The following CLEC11A variants were observed in gnomAD, a reference collection of about 807,000 sequenced individuals.
CLEC11A encodes C-type lectin domain containing 11A.
A neutral mutation model predicts 33.9 loss-of-function variants in CLEC11A; 35 were observed. That is an observed-to-expected ratio of 1.03 (90% CI 0.79 to 1.37). The LOEUF (loss-of-function observed/expected upper bound fraction) is 1.37. Among genes scored for constraint, CLEC11A ranks in the 40% most tolerant of loss-of-function variants. The pLI is 0.00. For missense variants in CLEC11A, 519 were observed against 455.5 expected (o/e 1.14, Z -1.27); for synonymous variants, 220 against 202.2 (o/e 1.09, Z -0.75).
chr19:50,723,631 G>A lies in CLEC11A; in HGVS notation c.106G>A (p.Ala36Thr), dbSNP rs771126310. 1 of 1,605,108 alleles carries A rather than the reference G, an allele frequency of 6.2e-7. No individual in the cohort carries two copies. Among genetic ancestry groups the A allele is most frequent in the African/African-American group, 1.3e-5 (1 of 74,764 alleles). Reference sequence around the variant, plus strand: ...GGAGTGGGAGGGAGGCTGGGGAGGTGCCCAGGAGGAGGAGCGGGAGAGGGA... The same window carrying A: ...GGAGTGGGAGGGAGGCTGGGGAGGTACCCAGGAGGAGGAGCGGGAGAGGGA... Reference protein sequence around the residue: ...EREWEGGWGGAQEEEREREAL... With the variant: ...EREWEGGWGGTQEEEREREAL... Residue 36 changes from alanine (A) to threonine (T), a missense_variant, in exon 1 of 4, where the codon GCC becomes ACC. Physicochemically the swap from Ala to Thr is moderately conservative, Grantham distance 58 (BLOSUM62 0). Transcript: ENST00000250340. The surrounding 1 kb of genome is among the most constrained non-coding windows in gnomAD (Gnocchi z 4.1).
rs779346643 is a variant in CLEC11A, at chr19:50,724,133, C to T, written c.334+42C>T. ...CCTCACCCCCAAACTCCTAGGCCGC[C>T]GCGGTCACTTTCGCAAAAATGAAGG... On this transcript the variant is annotated intron_variant, in intron 2 of 3. Transcript: ENST00000250340. The surrounding 1 kb of genome is among the most constrained non-coding windows in gnomAD (Gnocchi z 4.1). 1.9e-6 allele frequency: 3 copies of T among 1,602,630 alleles called. No homozygotes were observed. In the Admixed American group the frequency reaches 5.4e-5, roughly 29 times the overall value.
At position 50,725,218 on chromosome 19, in the gene CLEC11A, C is replaced by A. The variant is rs1369444479; in HGVS notation, c.723C>A (p.Gly241=). The A allele has an allele frequency of 1.9e-6, 3 of 1,596,008 alleles. No individual in the cohort carries two copies. In the East Asian group the frequency reaches 6.9e-5, roughly 36 times the overall value. Residue 241 remains glycine (G), a synonymous_variant, in exon 4 of 4, where the codon GGC becomes GGA. Transcript: ENST00000250340. ...LAPYNWPVWL[G]VHDRRAEGLY... is the part of the protein sequence containing the mutation. ...CCTACAACTGGCCCGTGTGGCTGGG[C>A]GTGCACGATCGGCGCGCCGAGGGCC...
Position 50,725,140 on chromosome 19 carries a change from A to G in CLEC11A, c.645A>G (p.Ala215=), listed in dbSNP as rs779791365. ...TARGGSLAQP[A]DRQQMEALTR... is the part of the protein sequence containing the mutation. ...GGGGCGGGAGCCTGGCGCAGCCGGCAGACCGCCAGCAGATGGAGGCGCTCA... is the reference window on the plus strand; with the variant it reads ...GGGGCGGGAGCCTGGCGCAGCCGGCGGACCGCCAGCAGATGGAGGCGCTCA... Residue 215 remains alanine, a synonymous_variant, in exon 4 of 4, where the codon GCA becomes GCG. Coordinates refer to ENST00000250340, the MANE Select transcript of CLEC11A (RefSeq NM_002975.3). The G allele has an allele frequency of 2.6e-6, 4 of 1,552,374 alleles. No individual in the cohort carries two copies. The highest frequency in any genetic ancestry group is 1.9e-5 in the Admixed American group (1 of 51,518).
At position 50,724,073 on chromosome 19, in the gene CLEC11A, G is replaced by A; in HGVS notation, c.316G>A (p.Asp106Asn). 6.2e-7 allele frequency: 1 copy of A among 1,613,636 alleles called. No homozygotes were observed. The highest frequency in any genetic ancestry group is 1.1e-5 in the South Asian group (1 of 91,060). Residue 106 changes from aspartate (D) to asparagine (N), a missense_variant, in exon 2 of 4, where the codon GAC becomes AAC. Asp to Asn is a conservative substitution (Grantham distance 23). Coordinates refer to ENST00000250340, the MANE Select transcript of CLEC11A (RefSeq NM_002975.3). The surrounding 1 kb of genome is among the most constrained non-coding windows in gnomAD (Gnocchi z 4.1). ...CCCCAGCCCCTCTCCCACCCCTGAG[G>A]ACATCGTCACTTACATCCGTGAGTA... ...SGPSPSPTPE[D>N]IVTYILGRLA...
At position 50,725,043 on chromosome 19, in the gene CLEC11A, T is replaced by G; in HGVS notation, c.548T>G (p.Leu183Arg). Residue 183 changes from leucine (L) to arginine (R), a missense_variant, in exon 4 of 4, where the codon CTG becomes CGG. Physicochemically the swap from Leu to Arg is moderately radical, Grantham distance 102. Transcript: ENST00000250340. ...ACAGGCTGCCTGAAGGGGCTGCGCCTGGGCCACAAGTGCTTCCTGCTCTCG... is the reference window on the plus strand; with the variant it reads ...ACAGGCTGCCTGAAGGGGCTGCGCCGGGGCCACAAGTGCTTCCTGCTCTCG... The part of the protein sequence containing the change: ...RLEGCLKGLR[L>R]GHKCFLLSRD... 6.7e-7 allele frequency: 1 copy of G among 1,503,080 alleles called. No individual in the cohort carries two copies. Among genetic ancestry groups the G allele is most frequent in the Non-Finnish European group, 8.9e-7 (1 of 1,129,208 alleles). The allele number at this position is 1,503,080 out of a possible 1,614,324, so 93.1% of individuals were successfully genotyped here.
chr19:50,725,591 A>C lies in CLEC11A; in HGVS notation c.*124A>C, dbSNP rs944080120. On this transcript the variant is annotated 3_prime_UTR_variant, in exon 4 of 4. Transcript: ENST00000250340. ...AATGGCAGCGTCCTCCCCGACCCCC[A>C]GTCTGGGCGCTTCTGGGAGGGCTCT... 3.2e-5 allele frequency: 46 copies of C among 1,435,830 alleles called. No individual in the cohort carries two copies. The highest frequency in any genetic ancestry group is 4.1e-5 in the Non-Finnish European group (45 of 1,090,376). 88.9% of individuals were successfully genotyped at this position (1,435,830 alleles called of 1,614,324 possible).
rs771427477 is a variant in CLEC11A, at chr19:50,723,958, C to T, written c.201C>T (p.Ala67=). The T allele has an allele frequency of 3.1e-6, 5 of 1,613,214 alleles. No homozygotes were observed. The highest frequency in any genetic ancestry group is 2.2e-5 in the East Asian group (1 of 44,832). ...CTGGGAGGGGGGATGAGAATCCTGCCGGAACTGTTGAGGGAAAAGAGGACT... is the reference window on the plus strand; with the variant it reads ...CTGGGAGGGGGGATGAGAATCCTGCTGGAACTGTTGAGGGAAAAGAGGACT... ...LPAGRGDENP[A]GTVEGKEDWE... Residue 67 remains alanine (A), a synonymous_variant, in exon 2 of 4, where the codon GCC becomes GCT. Coordinates refer to ENST00000250340, the MANE Select transcript of CLEC11A (RefSeq NM_002975.3). The surrounding 1 kb of genome is among the most constrained non-coding windows in gnomAD (Gnocchi z 4.1).
Position 50,724,839 on chromosome 19 carries a change from C to T in CLEC11A, c.527-183C>T. On this transcript the variant is annotated intron_variant, in intron 3 of 3. Transcript: ENST00000250340. The surrounding 1 kb of genome is among the most constrained non-coding windows in gnomAD (Gnocchi z 4.1). ...CTACAGTCCAGCTCCCACCGCCTGG[C>T]CCCGCCCCTGGCGGACCAGACTCTC... 7.2e-7 allele frequency: 1 copy of T among 1,383,374 alleles called. No homozygotes were observed. The highest frequency in any genetic ancestry group is 9.4e-7 in the Non-Finnish European group (1 of 1,068,984). 85.7% of individuals were successfully genotyped at this position (1,383,374 alleles called of 1,614,324 possible). A position where few individuals can be genotyped will look rare whatever the true frequency, so the allele number is the denominator to read the frequency against.
Position 50,725,492 on chromosome 19 carries a change from C to A in CLEC11A, c.*25C>A. On this transcript the variant is annotated 3_prime_UTR_variant, in exon 4 of 4. Coordinates refer to ENST00000250340, the MANE Select transcript of CLEC11A (RefSeq NM_002975.3). ...GCGGGGCCGGTACCCCGCCTCCCTG[C>A]CCATCCCACCACCCGGCCTTTCCCT... 6.5e-7 allele frequency: 1 copy of A among 1,545,116 alleles called. No homozygotes were observed. Among genetic ancestry groups the A allele is most frequent in the Non-Finnish European group, 8.8e-7 (1 of 1,142,804 alleles).
rs753355501 is a variant in CLEC11A, at chr19:50,723,647, G to A, written c.122G>A (p.Arg41Gln). ...TGGGGAGGTGCCCAGGAGGAGGAGC[G>A]GGAGAGGGAGGCCCTGATGCTGAAG... Reference protein sequence around the residue: ...GGWGGAQEEEREREALMLKHL... With the variant: ...GGWGGAQEEEQEREALMLKHL... The change falls in exon 1 of 4, where the codon CGG becomes CAG. Residue 41 changes from arginine (R) to glutamine (Q), a missense_variant. By Grantham distance (43) the Arg-to-Gln change is conservative (BLOSUM62 1). Transcript: ENST00000250340. The surrounding 1 kb of genome is among the most constrained non-coding windows in gnomAD (Gnocchi z 4.1). 9.5e-5 allele frequency: 151 copies of A among 1,595,820 alleles called. No individual in the cohort carries two copies. The highest frequency in any genetic ancestry group is 5.8e-4 in the Admixed American group (34 of 58,238).
chr19:50,725,662 C>T lies in CLEC11A; in HGVS notation c.*195C>T, dbSNP rs1012548546. 8.7e-6 allele frequency: 9 copies of T among 1,029,020 alleles called. No individual in the cohort carries two copies. Among genetic ancestry groups the T allele is most frequent in the Non-Finnish European group, 1.1e-5 (8 of 731,494 alleles). 63.7% of individuals were successfully genotyped at this position (1,029,020 alleles called of 1,614,324 possible). ...TTGTTAGTGTCTTTCCTTGAAGGGG[C>T]GGGCACCAGGCTAGGTCCGGTGCCA... On this transcript the variant is annotated 3_prime_UTR_variant, in exon 4 of 4. Coordinates refer to ENST00000250340, the MANE Select transcript of CLEC11A (RefSeq NM_002975.3).
chr19:50,723,508 T>G lies in CLEC11A; in HGVS notation c.-18T>G. On this transcript the variant is annotated 5_prime_UTR_variant, in exon 1 of 4. Coordinates refer to ENST00000250340, the MANE Select transcript of CLEC11A (RefSeq NM_002975.3). This position sits in a 1 kb window ranked among gnomAD's most constrained non-coding sequence, Gnocchi z 4.1. ...ACATCCAGACATCTGGAACTTTGGG[T>G]GCCAAGAGTCCAGCTTAATGCAGGC... 6.2e-7 allele frequency: 1 copy of G among 1,611,558 alleles called. No homozygotes were observed.
In CLEC11A at chr19:50,724,469, T is replaced by C; in HGVS notation, c.394T>C (p.Leu132=). ...CCAGCTGCACGTCCGTCTGCACGCGTTGGACACCCGCGTGGTCGAGCTGAC... is the reference window on the plus strand; with the variant it reads ...CCAGCTGCACGTCCGTCTGCACGCGCTGGACACCCGCGTGGTCGAGCTGAC... The part of the protein sequence containing the change: ...LHQLHVRLHA[L]DTRVVELTQG... Residue 132 remains leucine (L), a synonymous_variant, in exon 3 of 4, where the codon TTG becomes CTG. Coordinates refer to ENST00000250340, the MANE Select transcript of CLEC11A (RefSeq NM_002975.3). The surrounding 1 kb of genome is among the most constrained non-coding windows in gnomAD (Gnocchi z 4.1). 3 of 1,576,090 alleles carry C rather than the reference T, an allele frequency of 1.9e-6. No individual in the cohort carries two copies. The highest frequency in any genetic ancestry group is 1.7e-6 in the Non-Finnish European group (2 of 1,168,108).
chr19:50,725,194 C>T lies in CLEC11A; in HGVS notation c.699C>T (p.Pro233=). 2 of 1,590,262 alleles carry T rather than the reference C, an allele frequency of 1.3e-6. No individual in the cohort carries two copies. Among genetic ancestry groups the T allele is most frequent in the Non-Finnish European group, 8.6e-7 (1 of 1,169,462 alleles). Residue 233 remains proline, a synonymous_variant, in exon 4 of 4, where the codon CCC becomes CCT. Coordinates refer to ENST00000250340, the MANE Select transcript of CLEC11A (RefSeq NM_002975.3). ...LTRYLRAALA[P]YNWPVWLGVH... Reference sequence around the variant, plus strand: ...GGTACCTGCGCGCGGCGCTCGCTCCCTACAACTGGCCCGTGTGGCTGGGCG... The same window carrying T: ...GGTACCTGCGCGCGGCGCTCGCTCCTTACAACTGGCCCGTGTGGCTGGGCG...
In CLEC11A at chr19:50,725,304, C is replaced by T. The variant is rs1272912945; in HGVS notation, c.809C>T (p.Pro270Leu). ...SFFAWHRSPRPELGAQPSASP... is the reference protein window; with the variant it reads ...SFFAWHRSPRLELGAQPSASP... ...TTCGCCTGGCATCGCTCACCCCGCC[C>T]CGAGCTCGGCGCCCAGCCCAGCGCC... is the stretch of plus-strand genomic sequence containing the variant. Residue 270 changes from proline to leucine, a missense_variant, in exon 4 of 4, where the codon CCC (proline) becomes CTC (leucine). By Grantham distance (98) the Pro-to-Leu change is moderately conservative. Coordinates refer to ENST00000250340, the MANE Select transcript of CLEC11A (RefSeq NM_002975.3). 6.2e-7 allele frequency: 1 copy of T among 1,612,020 alleles called. No homozygotes were observed. The highest frequency in any genetic ancestry group is 8.5e-7 in the Non-Finnish European group (1 of 1,179,444).
chr19:50,724,624 G>A lies in CLEC11A; in HGVS notation c.526+23G>A. 2.4e-5 allele frequency: 33 copies of A among 1,385,764 alleles called. No individual in the cohort carries two copies. The highest frequency in any genetic ancestry group is 3.1e-5 in the Non-Finnish European group (33 of 1,073,974). The allele number at this position is 1,385,764 out of a possible 1,614,324, so 85.8% of individuals were successfully genotyped here. ...AGGGTGAGTCCGCGGCGCGCGGGGT[G>A]GAAAAAAATGAGACTATCTGGGCCA... On this transcript the variant is annotated intron_variant, in intron 3 of 3. Coordinates refer to ENST00000250340, the MANE Select transcript of CLEC11A (RefSeq NM_002975.3). The surrounding 1 kb of genome is among the most constrained non-coding windows in gnomAD (Gnocchi z 4.1).
Position 50,724,927 on chromosome 19 carries a change from C to T in CLEC11A, c.527-95C>T. 1 of 1,413,024 alleles carries T rather than the reference C, an allele frequency of 7.1e-7. No individual in the cohort carries two copies. The highest frequency in any genetic ancestry group is 9.2e-7 in the Non-Finnish European group (1 of 1,087,046). The allele number at this position is 1,413,024 out of a possible 1,614,324, so 87.5% of individuals were successfully genotyped here. ...CCAGCCCTCCCCATGAGTTCCTGGC[C>T]CCGCCTCCCTCCACCCCCGGATGTT... On this transcript the variant is annotated intron_variant, in intron 3 of 3. Transcript: ENST00000250340. The surrounding 1 kb of genome is among the most constrained non-coding windows in gnomAD (Gnocchi z 4.1).
At position 50,723,492 on chromosome 19, in the gene CLEC11A, C is replaced by T. The variant is rs927388152; in HGVS notation, c.-34C>T. On this transcript the variant is annotated 5_prime_UTR_variant, in exon 1 of 4. Transcript: ENST00000250340. The surrounding 1 kb of genome is among the most constrained non-coding windows in gnomAD (Gnocchi z 4.1). ...ACCCCTCCCACCCCAGACATCCAGA[C>T]ATCTGGAACTTTGGGTGCCAAGAGT... 5.0e-6 allele frequency: 8 copies of T among 1,610,406 alleles called. No individual in the cohort carries two copies. The South Asian group carries it at 7.7e-5, about 16-fold the overall frequency.
Position 50,724,730 on chromosome 19 carries a change from G to A in CLEC11A, c.526+129G>A, listed in dbSNP as rs1180544190. The A allele has an allele frequency of 2.5e-6, 3 of 1,208,190 alleles. No individual in the cohort carries two copies. The highest frequency in any genetic ancestry group is 3.2e-5 in the African/African-American group (2 of 62,032). The allele number at this position is 1,208,190 out of a possible 1,614,324, so 74.8% of individuals were successfully genotyped here. A position where few individuals can be genotyped will look rare whatever the true frequency, so the allele number is the denominator to read the frequency against. ...AGAGCTGCTGTGTGCTAGCGGACGG[G>A]GTTAGAGAGCTGGGAGGCTGAATGC... On this transcript the variant is annotated intron_variant, in intron 3 of 3. Coordinates refer to ENST00000250340, the MANE Select transcript of CLEC11A (RefSeq NM_002975.3). This position sits in a 1 kb window ranked among gnomAD's most constrained non-coding sequence, Gnocchi z 4.1.
Sources: allele counts gnomAD v4.1 joint callset, GRCh38; gene constraint gnomAD v4.1.1; non-coding constraint Gnocchi (gnomAD v3.1); transcripts MANE v1.5; gene names NCBI Gene and HGNC (gene_info 2026-07-23, HGNC 2026-07-21).